Variants in B3GNT3 observed in about 807,000 individuals in gnomAD.
The protein encoded by B3GNT3 is N-acetyllactosaminide beta-1,3-N-acetylglucosaminyltransferase 3.
A neutral mutation model predicts 11.6 loss-of-function variants in B3GNT3; 7 were observed. That is an observed-to-expected ratio of 0.60 (90% CI 0.34 to 1.13). The LOEUF is 1.13. Ranked by LOEUF, B3GNT3 falls within the 50% of genes most tolerant of loss-of-function variation. The pLI is 0.03. For synonymous variants in B3GNT3, 201 were observed against 222.1 expected, an observed-to-expected ratio of 0.90 and a Z score of 0.85; for missense variants, 400 against 507.4, an observed-to-expected ratio of 0.79 and a Z score of 2.03.
At chr19:17,802,583 G>A (rs1412843181) in intron 1 of B3GNT3, among the ~76,000 whole-genome samples, 1 of 152,138 alleles carries the variant, frequency 6.6e-6, no homozygotes, top group Non-Finnish European at 1.5e-5. Flanking sequence ...TGACATTTCA[G>A]GGGAAGCCTA....
Position 17,813,497 on chromosome 19 carries a change from C to A in B3GNT3, c.*1375C>A, listed in dbSNP as rs1333258676. On this transcript the variant is annotated 3_prime_UTR_variant, in exon 3 of 3. Coordinates refer to ENST00000318683, the MANE Select transcript of B3GNT3 (RefSeq NM_014256.4). ...AAAAGCTGCAGGAATTTCTATCAGG[C>A]AGATCTGACCTCATCCCACCCACCC... Among the ~76,000 whole-genome samples the A allele has an allele frequency of 6.6e-6, 1 of 151,766 alleles. No homozygotes were observed. The highest frequency in any genetic ancestry group is 1.5e-5 in the Non-Finnish European group (1 of 68,022).
chr19:17,807,115 T>C, intron 1 of B3GNT3, among the ~76,000 whole-genome samples: 1 of 143,580 alleles, frequency 7.0e-6, no homozygotes, highest in Non-Finnish European at 1.5e-5. Flanking sequence ...GGCCCCAGTG[T>C]GTGTGTGTGT....
In B3GNT3 at chr19:17,811,186, C is replaced by T. The variant is rs1275416724; in HGVS notation, c.568-385C>T. On this transcript the variant is annotated intron_variant, in intron 2 of 2. Transcript: ENST00000318683. The surrounding 1 kb of genome is among the most constrained non-coding windows in gnomAD (Gnocchi z 4.1). ...CTATGATCATAGCGCTACACTCTAGCCTGGGCAATAGAGCAAGACCCTGTC... is the reference window on the plus strand; with the variant it reads ...CTATGATCATAGCGCTACACTCTAGTCTGGGCAATAGAGCAAGACCCTGTC... Among the ~76,000 whole-genome samples the T allele has an allele frequency of 2.0e-5, 3 of 152,136 alleles. No individual in the cohort carries two copies. The highest frequency in any genetic ancestry group is 2.1e-4 in the South Asian group (1 of 4,834).
intron 1 of B3GNT3, among the ~76,000 whole-genome samples, chr19:17,803,009 ATT>A (rs71164307): frequency 3.3e-4 from 49 of 146,402 alleles, no homozygotes; most frequent in East Asian, 4.1e-4. Context: ...GTGTTAAAGG[ATT>A]TTTTTTTTTT....
rs756212778 is a variant in B3GNT3 at position 17,808,316 on chromosome 19, A to T, written c.509A>T (p.His170Leu). 1 of 1,612,876 alleles carries T rather than the reference A, an allele frequency of 6.2e-7. No homozygotes were observed. The highest frequency in any genetic ancestry group is 1.1e-5 in the South Asian group (1 of 91,056). ...NRLLELEAQTHGDILQWDFHD... is the reference protein window; with the variant it reads ...NRLLELEAQTLGDILQWDFHD... ...CTGCTGGAGCTGGAGGCACAGACTC[A>T]CGGAGACATCCTGCAGTGGGACTTC... The change falls in exon 2 of 3, where the codon CAC becomes CTC. Residue 170 changes from histidine to leucine, a missense_variant. Coordinates refer to ENST00000318683, the MANE Select transcript of B3GNT3 (RefSeq NM_014256.4).
At chr19:17,804,325 C>T (rs760289328) in intron 1 of B3GNT3, among the ~76,000 whole-genome samples, 9 of 149,278 alleles carry the variant, frequency 6.0e-5, no homozygotes, top group East Asian at 5.9e-4. Context: ...CTGCCACCTC[C>T]GCCTCCCAGA....
chr19:17,808,332 G>A lies in B3GNT3; in HGVS notation c.525G>A (p.Gln175=). 1.9e-6 allele frequency: 3 copies of A among 1,611,812 alleles called. No individual in the cohort carries two copies. The highest frequency in any genetic ancestry group is 2.5e-6 in the Non-Finnish European group (3 of 1,178,986). Residue 175 remains glutamine, a synonymous_variant, in exon 2 of 3, where the codon CAG becomes CAA. Transcript: ENST00000318683. ...CACAGACTCACGGAGACATCCTGCAGTGGGACTTCCACGACTCCTTCTTCA... is the reference window on the plus strand; with the variant it reads ...CACAGACTCACGGAGACATCCTGCAATGGGACTTCCACGACTCCTTCTTCA... ...LEAQTHGDIL[Q]WDFHDSFFNL...
In B3GNT3 at chr19:17,808,098, C is replaced by G. The variant is rs1305701555; in HGVS notation, c.291C>G (p.Asp97Glu). 3.1e-6 allele frequency: 5 copies of G among 1,613,916 alleles called. No homozygotes were observed. The Admixed American group carries it at 8.3e-5, about 27-fold the overall frequency. The change falls in exon 2 of 3, where the codon GAC (aspartate) becomes GAG (glutamate). Residue 97 changes from aspartate to glutamate, a missense_variant. By Grantham distance (45) the Asp-to-Glu change is conservative (BLOSUM62 2). Coordinates refer to ENST00000318683, the MANE Select transcript of B3GNT3 (RefSeq NM_014256.4). ...GCCGCCACTTTCCCCTGCTGCAGGACGTGCCCCCCTCTAAGTGCGCGCAGC... is the reference window on the plus strand; with the variant it reads ...GCCGCCACTTTCCCCTGCTGCAGGAGGTGCCCCCCTCTAAGTGCGCGCAGC... ...RHCRHFPLLQ[D>E]VPPSKCAQPV...
rs2094175753 is a variant in B3GNT3, at chr19:17,808,033, C to T, written c.226C>T (p.Gln76Ter). The change falls in exon 2 of 3, where the codon CAG (glutamine) becomes TAG (stop). Residue 76 changes from glutamine to a stop codon, truncating the protein, a stop_gained. Coordinates refer to ENST00000318683, the MANE Select transcript of B3GNT3 (RefSeq NM_014256.4). LOFTEE classifies it high-confidence loss of function. ...SMVTHPDFAT[Q>*]PQHVQNFLLY... is the part of the protein sequence containing the mutation. ...GGTCACCCACCCGGACTTCGCCACGCAGCCGCAGCACGTTCAGAACTTCCT... is the reference window on the plus strand; with the variant it reads ...GGTCACCCACCCGGACTTCGCCACGTAGCCGCAGCACGTTCAGAACTTCCT... 1.9e-6 allele frequency: 3 copies of T among 1,613,128 alleles called. No individual in the cohort carries two copies. Among genetic ancestry groups the T allele is most frequent in the Admixed American group, 1.7e-5 (1 of 59,912 alleles).
Position 17,808,309 on chromosome 19 carries a change from C to A in B3GNT3, c.502C>A (p.Gln168Lys). 6.2e-7 allele frequency: 1 copy of A among 1,613,240 alleles called. No homozygotes were observed. Among genetic ancestry groups the A allele is most frequent in the South Asian group, 1.1e-5 (1 of 91,066 alleles). Reference sequence around the variant, plus strand: ...CAACCGGCTGCTGGAGCTGGAGGCACAGACTCACGGAGACATCCTGCAGTG... The same window carrying A: ...CAACCGGCTGCTGGAGCTGGAGGCAAAGACTCACGGAGACATCCTGCAGTG... Reference protein sequence around the residue: ...KVNRLLELEAQTHGDILQWDF... With the variant: ...KVNRLLELEAKTHGDILQWDF... Residue 168 changes from glutamine to lysine, a missense_variant, in exon 2 of 3, where the codon CAG becomes AAG. By Grantham distance (53) the Gln-to-Lys change is moderately conservative. Coordinates refer to ENST00000318683, the MANE Select transcript of B3GNT3 (RefSeq NM_014256.4).
chr19:17,809,947 A>T (rs1202161711), intron 2 of B3GNT3, among the ~76,000 whole-genome samples: 1 of 152,096 alleles, frequency 6.6e-6, no homozygotes, highest in African/African-American at 2.4e-5. Flanking sequence ...CCTGGGTTCA[A>T]GTCCTCTGGT....
At chr19:17,797,715 A>G (rs2094161060) in intron 1 of B3GNT3, among the ~76,000 whole-genome samples, 1 of 151,878 alleles carries the variant, frequency 6.6e-6, no homozygotes, top group Non-Finnish European at 1.5e-5. Flanking sequence ...ATACCCAGGC[A>G]CTCCCTGGTG....
chr19:17,800,127 C>T lies in B3GNT3; in HGVS notation c.-51+4921C>T, dbSNP rs565347476. 1.4e-4 allele frequency among the ~76,000 whole-genome samples: 22 copies of T among 152,252 alleles called. No homozygotes were observed. In the South Asian group the frequency reaches 4.6e-3, roughly 32 times the overall value. On this transcript the variant is annotated intron_variant, in intron 1 of 2. Transcript: ENST00000318683. ...CAGTGGCTCACTCCTGTAATCCCAG[C>T]ACTTTGGGAGGCCGAGGCGGGCAGA... is the stretch of plus-strand genomic sequence containing the variant.
intron 1 of B3GNT3, among the ~76,000 whole-genome samples, chr19:17,806,893 A>C (rs1460541275): frequency 6.7e-6 from 1 of 149,826 alleles, no homozygotes; most frequent in Non-Finnish European, 1.5e-5. Context: ...CGGAGGTTGA[A>C]GTGAGCCGAG....
chr19:17,799,818 T>C (rs1048217350), intron 1 of B3GNT3, among the ~76,000 whole-genome samples: 10 of 148,482 alleles, frequency 6.7e-5, no homozygotes, highest in African/African-American at 2.3e-4. Flanking sequence ...GGCCTGGGAG[T>C]CCCTGAAGAG....
chr19:17,797,886 C>G lies in B3GNT3; in HGVS notation c.-51+2680C>G, dbSNP rs562818969. On this transcript the variant is annotated intron_variant, in intron 1 of 2. Coordinates refer to ENST00000318683, the MANE Select transcript of B3GNT3 (RefSeq NM_014256.4). Reference sequence around the variant, plus strand: ...ACTCCTGCTCCTTGTAAAAAGGGACCAGCCTATCATTACTGGGAAACCCAA... The same window carrying G: ...ACTCCTGCTCCTTGTAAAAAGGGACGAGCCTATCATTACTGGGAAACCCAA... 9.8e-4 allele frequency among the ~76,000 whole-genome samples: 150 copies of G among 152,310 alleles called. 1 individual carries two copies. Among genetic ancestry groups the G allele is most frequent in the Middle Eastern group, 6.8e-3 (2 of 294 alleles).
chr19:17,804,065 C>G, intron 1 of B3GNT3, among the ~76,000 whole-genome samples: 1 of 152,116 alleles, frequency 6.6e-6, no homozygotes, highest in African/African-American at 2.4e-5. Flanking sequence ...GTGCCAACAG[C>G]TCTCACCTGG....
At chr19:17,809,540 A>G (rs1005725639) in intron 2 of B3GNT3, among the ~76,000 whole-genome samples, 2 of 150,916 alleles carry the variant, frequency 1.3e-5, no homozygotes, top group Non-Finnish European at 3.0e-5. Flanking sequence ...TCCACCTCCC[A>G]GGTTCAAGTG....
intron 1 of B3GNT3, among the ~76,000 whole-genome samples, chr19:17,805,683 C>CT (rs1468179527): frequency 6.6e-6 from 1 of 152,224 alleles, no homozygotes; most frequent in African/African-American, 2.4e-5. Flanking sequence ...TCCCCACAGT[C>CT]TGCTCAAGTG....
Sources: allele counts gnomAD v4.1 joint callset (sites outside exome capture counted in the v4.1 genomes callset), GRCh38; gene constraint gnomAD v4.1.1; non-coding constraint Gnocchi (gnomAD v3.1); transcripts MANE v1.5; gene names NCBI Gene and HGNC (gene_info 2026-07-23, HGNC 2026-07-21).